Variants in EHMT1 observed in about 807,000 individuals in gnomAD.
The protein encoded by EHMT1 is euchromatic histone lysine methyltransferase 1, also known as histone-lysine N-methyltransferase EHMT1.
EHMT1 carries 15 observed loss-of-function variants against 147.2 expected under a neutral mutation model. The ratio of observed to expected loss-of-function variants is 0.10; its 90% CI spans 0.07 to 0.16. EHMT1 has a LOEUF of 0.16. Among genes scored for constraint, EHMT1 ranks in the 10% least tolerant of loss-of-function variants. EHMT1 has a pLI of 1.00. For missense variants in EHMT1, 1,587 were observed against 1,772.4 expected (o/e 0.90, Z 1.88); for synonymous variants, 795 against 709.6 (o/e 1.12, Z -1.91).
intron 17 of EHMT1, 92 bp downstream of exon 17, chr9:137,799,006 A>C: frequency 3.8e-5 from 40 of 1,059,972 alleles, no homozygotes; most frequent in East Asian, 7.3e-5. Context: ...CCCATTCTCC[A>C]TGGCGTCCCC....
chr9:137,798,317 A>C (rs1428225641), intron 16 of EHMT1, among the ~76,000 whole-genome samples: 1 of 152,144 alleles, frequency 6.6e-6, no homozygotes, highest in Non-Finnish European at 1.5e-5. Context: ...CAGGAGGATC[A>C]CTTGAGCATG....
chr9:137,815,292 C>G (rs1954831202), intron 22 of EHMT1: 1 of 168,812 alleles, frequency 5.9e-6, no homozygotes, highest in African/African-American at 2.4e-5. Context: ...CAGAAAGCCA[C>G]CAAGCTCATG....
chr9:137,788,839 G>C (rs1264550749), intron 15 of EHMT1: 1 of 152,382 alleles, frequency 6.6e-6, no homozygotes, highest in Admixed American at 6.5e-5. Flanking sequence ...GTCAGTGTCA[G>C]CCGCTCCGCT....
intron 4 of EHMT1, chr9:137,742,879 G>A: frequency 4.5e-6 from 1 of 220,896 alleles, no homozygotes; most frequent in Non-Finnish European, 9.0e-6. Flanking sequence ...TTGTGTCCTA[G>A]GAAGACTGGC....
chr9:137,707,996 T>G (rs1944404745), intron 1 of EHMT1, among the ~76,000 whole-genome samples: 1 of 152,218 alleles, frequency 6.6e-6, no homozygotes, highest in Non-Finnish European at 1.5e-5. Flanking sequence ...TCTTGTTTAT[T>G]GGGTTGTATC....
At chr9:137,680,338 T>G (rs752288641) in intron 1 of EHMT1, among the ~76,000 whole-genome samples, 10 of 152,008 alleles carry the variant, frequency 6.6e-5, no homozygotes, top group Non-Finnish European at 1.5e-4. Flanking sequence ...CCAGGTGTGG[T>G]GGTGCACGCT....
At chr9:137,794,138 GT>G (rs1952727912) in intron 16 of EHMT1, among the ~76,000 whole-genome samples, 2 of 151,952 alleles carry the variant, frequency 1.3e-5, no homozygotes, top group Admixed American at 1.3e-4. Flanking sequence ...AACTTTCACT[GT>G]TTTCTCATTA....
intron 1 of EHMT1, among the ~76,000 whole-genome samples, chr9:137,686,887 C>T (rs1034555522): frequency 2.0e-5 from 3 of 151,974 alleles, no homozygotes; most frequent in South Asian, 2.1e-4. Context: ...CCCGCCACCG[C>T]GCCCAGCTAA....
rs1842772740 is a variant in EHMT1, at chr9:137,619,063, CCGGCGGGGGGCGGCGCGGGGG to C, written c.21+22_21+42del. 3 of 906,012 alleles carry C rather than the reference CCGGCGGGGGGCGGCGCGGGGG, an allele frequency of 3.3e-6. No individual in the cohort carries two copies. The highest frequency in any genetic ancestry group is 3.9e-6 in the Non-Finnish European group (3 of 760,094). The allele number at this position is 906,012 out of a possible 1,614,324, so 56.1% of individuals were successfully genotyped here. On this transcript the variant is annotated intron_variant, in intron 1 of 26. Coordinates refer to ENST00000460843, the MANE Select transcript of EHMT1 (RefSeq NM_024757.5). ...GCCGATGCCGAGGTGAGCAGCGGGG[CCGGCGGGGGGCGGCGCGGGGG>C]CGGCGGGCAGCGGCGGAGGCGGCGC...
At chr9:137,647,825 G>C (rs1845015996) in intron 1 of EHMT1, among the ~76,000 whole-genome samples, 1 of 152,030 alleles carries the variant, frequency 6.6e-6, no homozygotes, top group Non-Finnish European at 1.5e-5. Flanking sequence ...TCGAACTCCT[G>C]AGCTCAGGCA....
intron 9 of EHMT1, among the ~76,000 whole-genome samples, chr9:137,762,328 T>G (rs1949891243): frequency 6.6e-6 from 1 of 152,054 alleles, no homozygotes; most frequent in Non-Finnish European, 1.5e-5. Context: ...GGGCAGTGAA[T>G]GCTCTTTTGT....
Position 137,731,188 on chromosome 9 carries a change from G to T in EHMT1, c.823+2659G>T, listed in dbSNP as rs187386248. On this transcript the variant is annotated intron_variant, in intron 4 of 26. Transcript: ENST00000460843. This position sits in a 1 kb window ranked among gnomAD's most constrained non-coding sequence, Gnocchi z 4.3. ...CTTCCTTATCCGTAACCTGGAAGTG[G>T]GTGGTCCATCAGCGTGTTAGCCTAG... Among the ~76,000 whole-genome samples the T allele has an allele frequency of 4.3e-4, 66 of 152,308 alleles. No individual in the cohort carries two copies. The highest frequency in any genetic ancestry group is 4.9e-4 in the Non-Finnish European group (33 of 68,034).
chr9:137,671,243 A>T (rs1940589230), intron 1 of EHMT1, among the ~76,000 whole-genome samples: 1 of 152,208 alleles, frequency 6.6e-6, no homozygotes, highest in African/African-American at 2.4e-5. Flanking sequence ...AAGGAAATAT[A>T]CAAAAAGTTA....
At chr9:137,764,689 CTGT>C (rs1040997013) in intron 10 of EHMT1, 1 of 152,196 alleles carries the variant, frequency 6.6e-6, no homozygotes, top group Non-Finnish European at 1.5e-5. Context: ...GGTCAAAGGT[CTGT>C]TGACAAAATG....
intron 15 of EHMT1, chr9:137,788,166 C>T (rs1408248918): frequency 2.6e-6 from 2 of 778,026 alleles, no homozygotes; most frequent in Admixed American, 3.0e-5. Flanking sequence ...CTCCCCACTG[C>T]ACCCCGTACC....
intron 3 of EHMT1, among the ~76,000 whole-genome samples, chr9:137,723,120 C>T (rs62591773): frequency 0.27 from 13,231 of 49,140 alleles, 1,523 homozygotes; most frequent in Middle Eastern, 0.4. Context: ...TGTCTGTGTC[C>T]GTGGTTCTGG....
rs370681959 is a variant in EHMT1 at position 137,776,836 on chromosome 9, A to G, written c.2010A>G (p.Thr670=). ...CCCTGGAGGGCAGGGCCGACACCAC[A>G]ACGGGCAGGTACCTGGCACAGGCTC... The part of the protein sequence containing the change: ...GSALEGRADT[T]TGSAAGPPLS... The change falls in exon 12 of 27, where the codon ACA becomes ACG. Residue 670 remains threonine (T), a synonymous_variant. Coordinates refer to ENST00000460843, the MANE Select transcript of EHMT1 (RefSeq NM_024757.5). This position sits in a 1 kb window ranked among gnomAD's most constrained non-coding sequence, Gnocchi z 4.4. The G allele has an allele frequency of 1.2e-6, 2 of 1,613,732 alleles. No individual in the cohort carries two copies. The highest frequency in any genetic ancestry group is 4.5e-5 in the East Asian group (2 of 44,854).
In EHMT1 at chr9:137,814,503, G is replaced by A. The variant is rs201476843; in HGVS notation, c.3253G>A (p.Asp1085Asn). The A allele has an allele frequency of 2.5e-5, 40 of 1,606,090 alleles. No homozygotes were observed. Among genetic ancestry groups the A allele is most frequent in the South Asian group, 6.6e-5 (6 of 91,092 alleles). ...CCAGCTCAGCATGCGCTGCTGGTAC[G>A]ACAAGGTGAGGGCGGCCTCGTGTGC... ...CGQLSMRCWYDKDGRLLPEFN... is the reference protein window; with the variant it reads ...CGQLSMRCWYNKDGRLLPEFN... The change falls in exon 22 of 27, where the codon GAC becomes AAC. Residue 1085 changes from aspartate (D) to asparagine (N), a missense_variant. By Grantham distance (23) the Asp-to-Asn change is conservative (BLOSUM62 1). Around this residue, in one of 7 missense-constraint regions of EHMT1, gnomAD observed 156 missense variants for 252.5 expected, o/e 0.62. Transcript: ENST00000460843.
intron 1 of EHMT1, among the ~76,000 whole-genome samples, chr9:137,699,829 A>T (rs919224525): frequency 4.6e-5 from 7 of 152,224 alleles, no homozygotes; most frequent in African/African-American, 1.4e-4. Context: ...AGCCTGGGTG[A>T]CAGAACAAGA....
Sources: allele counts gnomAD v4.1 joint callset (sites outside exome capture counted in the v4.1 genomes callset), GRCh38; gene constraint gnomAD v4.1.1; regional missense constraint gnomAD v4.1.1; non-coding constraint Gnocchi (gnomAD v3.1); transcripts MANE v1.5; gene names NCBI Gene and HGNC (gene_info 2026-07-23, HGNC 2026-07-21).